RBFOX1: variants seen among roughly 807,000 people sequenced by gnomAD.
RBFOX1 encodes RNA binding fox-1 homolog 1.
A neutral mutation model predicts 57.7 loss-of-function variants in RBFOX1; 8 were observed. That is an observed-to-expected ratio of 0.14 (90% CI 0.08 to 0.25). RBFOX1 has a LOEUF of 0.25. Among genes scored for constraint, RBFOX1 ranks in the 10% least tolerant of loss-of-function variants. The pLI is 1.00. For synonymous variants in RBFOX1, 326 were observed against 222.4 expected, an observed-to-expected ratio of 1.47 and a Z score of -4.15; for missense variants, 611 against 548.5, an observed-to-expected ratio of 1.11 and a Z score of -1.14.
At chr16:5,448,250 G>T (rs910629766) in intron 1 of RBFOX1, among the ~76,000 whole-genome samples, 1 of 152,122 alleles carries the variant, frequency 6.6e-6, no homozygotes, top group Non-Finnish European at 1.5e-5. Flanking sequence ...ACCTTCACTA[G>T]ACCCACGTAT....
chr16:5,467,192 C>G (rs1263553781), intron 1 of RBFOX1: 1 of 1,463,562 alleles, frequency 6.8e-7, no homozygotes. Flanking sequence ...CTCTCTCTCT[C>G]TCTCTTTTTT....
At chr16:7,458,026 C>A (rs960154732) in intron 4 of RBFOX1, among the ~76,000 whole-genome samples, 2 of 152,132 alleles carry the variant, frequency 1.3e-5, no homozygotes, top group African/African-American at 4.8e-5. Flanking sequence ...GTATATTCAG[C>A]CTTGCTCAGC....
At chr16:5,898,848 C>T (rs2058232077) in intron 4 of RBFOX1, among the ~76,000 whole-genome samples, 1 of 151,082 alleles carries the variant, frequency 6.6e-6, no homozygotes, top group Admixed American at 6.6e-5. Flanking sequence ...TTGCTTGAGG[C>T]CAGGCATTTG....
intron 4 of RBFOX1, among the ~76,000 whole-genome samples, chr16:7,420,502 G>C (rs1236418920): frequency 4.6e-5 from 7 of 152,154 alleles, no homozygotes; most frequent in African/African-American, 7.2e-5. Context: ...TCTCTTGTCA[G>C]ACTCATGTCT....
intron 1 of RBFOX1, among the ~76,000 whole-genome samples, chr16:6,081,055 G>C (rs1300806530): frequency 6.6e-6 from 1 of 152,126 alleles, no homozygotes; most frequent in Non-Finnish European, 1.5e-5. Flanking sequence ...AGGTTGATTG[G>C]TCTAATAAAA....
intron 3 of RBFOX1, among the ~76,000 whole-genome samples, chr16:5,741,055 G>A (rs774474814): frequency 2.0e-4 from 30 of 152,180 alleles, no homozygotes; most frequent in African/African-American, 7.2e-4. Context: ...CTGTTTTGTA[G>A]ATGGGGAAAT....
intron 3 of RBFOX1, among the ~76,000 whole-genome samples, chr16:6,895,906 G>A (rs1291185342): frequency 6.7e-6 from 1 of 148,208 alleles, no homozygotes; most frequent in Non-Finnish European, 1.5e-5. Flanking sequence ...TTTGTAAAAT[G>A]TTTTTTTAAT....
At chr16:6,835,182 T>A (rs2093000251) in intron 3 of RBFOX1, among the ~76,000 whole-genome samples, 1 of 152,138 alleles carries the variant, frequency 6.6e-6, no homozygotes, top group Admixed American at 6.5e-5. Flanking sequence ...ATCACAGGCG[T>A]GAGCCACCAC....
At chr16:6,608,587 G>C (rs1043879169) in intron 2 of RBFOX1, among the ~76,000 whole-genome samples, 1 of 152,166 alleles carries the variant, frequency 6.6e-6, no homozygotes, top group Non-Finnish European at 1.5e-5. Flanking sequence ...CCAGGAGTTT[G>C]AGATGAGCTT....
intron 1 of RBFOX1, among the ~76,000 whole-genome samples, chr16:5,287,502 AGTT>A (rs1384886576): frequency 6.6e-6 from 1 of 152,224 alleles, no homozygotes; most frequent in East Asian, 1.9e-4. Context: ...TGTATCCGTT[AGTT>A]GTTGTCAGAA....
intron 4 of RBFOX1, among the ~76,000 whole-genome samples, chr16:7,439,130 C>T (rs889549739): frequency 1.8e-4 from 27 of 152,160 alleles, no homozygotes; most frequent in Non-Finnish European, 3.7e-4. Context: ...AATGGATGCC[C>T]TTGTCCTTCT....
At chr16:5,854,406 C>T (rs1236463803) in intron 3 of RBFOX1, among the ~76,000 whole-genome samples, 1 of 152,200 alleles carries the variant, frequency 6.6e-6, no homozygotes, top group Non-Finnish European at 1.5e-5. Flanking sequence ...TCTTTTAGAT[C>T]TCATGTATTA....
At chr16:6,053,184 G>A (rs1174957939) in intron 1 of RBFOX1, among the ~76,000 whole-genome samples, 1 of 152,160 alleles carries the variant, frequency 6.6e-6, no homozygotes, top group Non-Finnish European at 1.5e-5. Context: ...CATGGATGTA[G>A]CAGAAATTAT....
chr16:6,922,989 C>T (rs1053547011), intron 3 of RBFOX1, among the ~76,000 whole-genome samples: 1 of 152,120 alleles, frequency 6.6e-6, no homozygotes, highest in Non-Finnish European at 1.5e-5. Context: ...CTTTAATACA[C>T]AAACTACTTA....
intron 1 of RBFOX1, among the ~76,000 whole-genome samples, chr16:5,416,380 C>T (rs776379958): frequency 6.6e-6 from 1 of 152,166 alleles, no homozygotes; most frequent in Non-Finnish European, 1.5e-5. Flanking sequence ...ACATATCTAT[C>T]TTTCCTTTTT....
chr16:7,357,647 C>G (rs1568390580), intron 4 of RBFOX1, among the ~76,000 whole-genome samples: 1 of 152,156 alleles, frequency 6.6e-6, no homozygotes, highest in Non-Finnish European at 1.5e-5. Context: ...GAGCCATTTT[C>G]AGTCTCTTGC....
chr16:5,567,095 C>T (rs1211766917), intron 2 of RBFOX1, among the ~76,000 whole-genome samples: 2 of 150,178 alleles, frequency 1.3e-5, no homozygotes, highest in East Asian at 1.9e-4. Flanking sequence ...CACACAAAGA[C>T]CCTCAGATGA....
At chr16:5,486,728 T>A (rs954585565) in intron 2 of RBFOX1, among the ~76,000 whole-genome samples, 2 of 152,164 alleles carry the variant, frequency 1.3e-5, no homozygotes, top group Non-Finnish European at 2.9e-5. Context: ...GAGAAGACAC[T>A]CATCAGGACT....
At chr16:7,154,694 TG>T (rs2076747456) in intron 4 of RBFOX1, among the ~76,000 whole-genome samples, 83 of 34,870 alleles carry the variant, frequency 2.4e-3, no homozygotes, top group African/African-American at 4.3e-3. Context: ...TTTGTGTGTG[TG>T]TGTGTGTGTG....
Sources: allele counts gnomAD v4.1 joint callset (sites outside exome capture counted in the v4.1 genomes callset), GRCh38; gene constraint gnomAD v4.1.1; transcripts MANE v1.5; gene names NCBI Gene and HGNC (gene_info 2026-07-23, HGNC 2026-07-21).